Variants in GPC5 observed in about 807,000 individuals in gnomAD.
The protein encoded by GPC5 is glypican-5.
GPC5 carries 47 observed loss-of-function variants against 53.9 expected under a neutral mutation model. The observed-to-expected ratio is 0.87, with a 90% confidence interval of 0.69 to 1.11. The LOEUF (loss-of-function observed/expected upper bound fraction) is 1.11. Ranked by LOEUF, GPC5 falls within the 50% of genes most tolerant of loss-of-function variation. The probability of loss-of-function intolerance (pLI) is 0.00; values close to 1 mark genes in which losing one functional copy is unlikely to be tolerated. For synonymous variants in GPC5, 286 were observed against 263.3 expected, an observed-to-expected ratio of 1.09 and a Z score of -0.84; for missense variants, 748 against 713.1, an observed-to-expected ratio of 1.05 and a Z score of -0.56.
chr13:91,990,682 G>A (rs567833378), intron 6 of GPC5, among the ~76,000 whole-genome samples: 1 of 152,204 alleles, frequency 6.6e-6, no homozygotes, highest in Non-Finnish European at 1.5e-5. Flanking sequence ...TGTGCACAGT[G>A]TATCATGCGC....
At chr13:92,492,790 T>C (rs1008272903) in intron 7 of GPC5, among the ~76,000 whole-genome samples, 10 of 152,184 alleles carry the variant, frequency 6.6e-5, no homozygotes, top group Non-Finnish European at 1.3e-4. Context: ...CAGAAATAAA[T>C]TTGCCTTTTT....
chr13:91,571,737 ATGTATATATACACACATATACATGTG>A (rs2031790653), intron 2 of GPC5, among the ~76,000 whole-genome samples: 3 of 126,792 alleles, frequency 2.4e-5, no homozygotes, highest in Admixed American at 7.8e-5. Flanking sequence ...ATATATATAT[ATGTATATATACACACATATACATGTG>A]TATGTGTATA....
At chr13:91,506,382 T>TC (rs1435072123) in intron 2 of GPC5, among the ~76,000 whole-genome samples, 2 of 152,132 alleles carry the variant, frequency 1.3e-5, no homozygotes, top group Non-Finnish European at 2.9e-5. Context: ...TTAATCTTGT[T>TC]CCCTTGTTTC....
At chr13:92,697,911 G>A (rs1215452867) in intron 7 of GPC5, among the ~76,000 whole-genome samples, 1 of 152,164 alleles carries the variant, frequency 6.6e-6, no homozygotes, top group Non-Finnish European at 1.5e-5. Context: ...ATGAAAGGCT[G>A]TTGAATTTTG....
At chr13:91,418,170 C>A (rs181477455) in intron 1 of GPC5, among the ~76,000 whole-genome samples, 3 of 152,004 alleles carry the variant, frequency 2.0e-5, no homozygotes, top group East Asian at 1.9e-4. Flanking sequence ...ATATATAGAG[C>A]GTTTAGTACT....
At chr13:91,895,175 C>T (rs1176133206) in intron 5 of GPC5, among the ~76,000 whole-genome samples, 1 of 152,052 alleles carries the variant, frequency 6.6e-6, no homozygotes, top group Non-Finnish European at 1.5e-5. Context: ...TTCCCACATG[C>T]TGGTTCCTAG....
chr13:92,777,715 T>G (rs1205137152), intron 7 of GPC5, among the ~76,000 whole-genome samples: 3 of 152,232 alleles, frequency 2.0e-5, no homozygotes, highest in Non-Finnish European at 4.4e-5. Flanking sequence ...CTTTTCTATT[T>G]GTTCCCTGAT....
chr13:92,787,900 C>T (rs1876316298), intron 7 of GPC5, among the ~76,000 whole-genome samples: 1 of 149,416 alleles, frequency 6.7e-6, no homozygotes, highest in South Asian at 2.1e-4. Context: ...AAAATACTAC[C>T]GCCAAGATGA....
chr13:91,838,921 T>A (rs1475119122), intron 5 of GPC5, among the ~76,000 whole-genome samples: 1 of 152,132 alleles, frequency 6.6e-6, no homozygotes, highest in African/African-American at 2.4e-5. Flanking sequence ...AATAACATCA[T>A]GAAATAGAGC....
chr13:92,613,838 A>T (rs1300035212), intron 7 of GPC5, among the ~76,000 whole-genome samples: 9 of 150,706 alleles, frequency 6.0e-5, no homozygotes, highest in South Asian at 2.1e-4. Context: ...ACCTGGGTAA[A>T]AGAGTGAAAT....
At chr13:91,440,266 T>G (rs1203701931) in intron 1 of GPC5, among the ~76,000 whole-genome samples, 2 of 152,196 alleles carry the variant, frequency 1.3e-5, no homozygotes, top group Non-Finnish European at 2.9e-5. Context: ...GTAAGGCTTG[T>G]TCCTTTCATC....
At chr13:91,897,976 A>C (rs76060360) in intron 5 of GPC5, among the ~76,000 whole-genome samples, 19 of 152,304 alleles carry the variant, frequency 1.2e-4, no homozygotes, top group African/African-American at 4.3e-4. Context: ...TATGAGGGAT[A>C]AAATAAAATA....
chr13:92,528,087 G>A (rs902003520), intron 7 of GPC5, among the ~76,000 whole-genome samples: 2 of 152,118 alleles, frequency 1.3e-5, no homozygotes, highest in East Asian at 1.9e-4. Flanking sequence ...TTCCAAAAAT[G>A]CTAATCACTA....
intron 7 of GPC5, among the ~76,000 whole-genome samples, chr13:92,211,077 G>C (rs2042371414): frequency 1.3e-5 from 2 of 151,738 alleles, no homozygotes; most frequent in Admixed American, 1.3e-4. Flanking sequence ...TTACTGCCTT[G>C]GATAAACAGG....
In GPC5 at chr13:92,527,108, A is replaced by AGAAAGAAAGAAAGAAAGAAAGAAAG. The variant is rs75868236; in HGVS notation, c.1562-339174_1562-339173insGAAAGAAAGAAAGAAAGAAAGAAAG. On this transcript the variant is annotated intron_variant, in intron 7 of 7. Transcript: ENST00000377067. ...TGAGATTCTGTAGGAAAAGAAAGAA[A>AGAAAGAAAGAAAGAAAGAAAGAAAG]AAAGAAAGAAAGAAAGAAAGAAAGA... Among the ~76,000 whole-genome samples, 21 of 39,056 alleles carry AGAAAGAAAGAAAGAAAGAAAGAAAG rather than the reference A, an allele frequency of 5.4e-4. 4 individuals carry two copies. The highest frequency in any genetic ancestry group is 1.4e-3 in the Admixed American group (4 of 2,860). The allele number at this position is 39,056 out of a possible 152,430, so 25.6% of individuals were successfully genotyped here.
intron 6 of GPC5, among the ~76,000 whole-genome samples, chr13:91,955,082 A>G (rs1204603652): frequency 6.6e-6 from 1 of 152,198 alleles, no homozygotes; most frequent in African/African-American, 2.4e-5. Context: ...ATTAAATGAG[A>G]TCTGAATAAA....
At chr13:92,161,695 G>A (rs570727050) in intron 7 of GPC5, among the ~76,000 whole-genome samples, 6 of 151,838 alleles carry the variant, frequency 4.0e-5, no homozygotes, top group East Asian at 1.9e-4. Context: ...GTAATTTTGC[G>A]TGAAAATTAA....
intron 7 of GPC5, chr13:92,448,258 A>T (rs1362054344): frequency 6.6e-6 from 1 of 152,130 alleles, no homozygotes; most frequent in Non-Finnish European, 1.5e-5. Context: ...ATTTATTGGC[A>T]TTTAAAGAGA....
chr13:91,906,189 C>G (rs1189221074), intron 5 of GPC5, among the ~76,000 whole-genome samples: 1 of 151,888 alleles, frequency 6.6e-6, no homozygotes, highest in Non-Finnish European at 1.5e-5. Flanking sequence ...GGCCCGTTCT[C>G]CCTGTCTGCT....
Sources: allele counts gnomAD v4.1 joint callset (sites outside exome capture counted in the v4.1 genomes callset), GRCh38; gene constraint gnomAD v4.1.1; transcripts MANE v1.5; gene names NCBI Gene and HGNC (gene_info 2026-07-23, HGNC 2026-07-21).